Variants in DNER observed in about 807,000 individuals in gnomAD.
DNER encodes delta and Notch-like epidermal growth factor-related receptor.
DNER carries 33 observed loss-of-function variants against 78.2 expected under a neutral mutation model. That is an observed-to-expected ratio of 0.42 (90% CI 0.32 to 0.56). The LOEUF (loss-of-function observed/expected upper bound fraction) is 0.56, where lower values mean the gene tolerates loss of function less well. Among genes scored for constraint, DNER ranks in the 20% least tolerant of loss-of-function variants. The pLI, the probability that DNER is intolerant of heterozygous loss-of-function variation, is 0.11. For missense variants in DNER, 918 were observed against 975.3 expected (o/e 0.94, Z 0.78); for synonymous variants, 417 against 384.8 (o/e 1.08, Z -0.98).
intron 5 of DNER, among the ~76,000 whole-genome samples, chr2:229,527,893 C>T (rs1434858973): frequency 1.3e-5 from 2 of 152,094 alleles, no homozygotes; most frequent in African/African-American, 4.8e-5. Context: ...TGTATTTTAA[C>T]CGCAAAGCTG....
At chr2:229,435,145 G>C (rs959491570) in intron 8 of DNER, among the ~76,000 whole-genome samples, 1 of 152,154 alleles carries the variant, frequency 6.6e-6, no homozygotes, top group African/African-American at 2.4e-5. Context: ...GCTTTAAAGA[G>C]AGCATGCATA....
At position 229,366,964 on chromosome 2, in the gene DNER, C is replaced by T. The variant is rs528331788; in HGVS notation, c.2011G>A (p.Gly671Ser). ...ICRISRIEYQ[G>S]SSRPAYEEFY... ...TCCTCATAGGCTGGCCTGGAAGAAC[C>T]CTGGTATTCAATGCGGCTGATGCGG... Residue 671 changes from glycine to serine, a missense_variant, in exon 12 of 13, where the codon GGT becomes AGT. By Grantham distance (56) the Gly-to-Ser change is moderately conservative. Transcript: ENST00000341772. 6.2e-7 allele frequency: 1 copy of T among 1,613,990 alleles called. No homozygotes were observed. The highest frequency in any genetic ancestry group is 1.3e-5 in the African/African-American group (1 of 74,898).
intron 1 of DNER, among the ~76,000 whole-genome samples, chr2:229,661,630 A>T (rs1171626045): frequency 6.6e-6 from 1 of 152,222 alleles, no homozygotes; most frequent in Non-Finnish European, 1.5e-5. Flanking sequence ...AAAGAAAAAG[A>T]TAATCAAGGA....
intron 8 of DNER, among the ~76,000 whole-genome samples, chr2:229,419,033 A>T (rs757899170): frequency 2.0e-5 from 3 of 152,166 alleles, no homozygotes; most frequent in Non-Finnish European, 4.4e-5. Context: ...AACTGAAATT[A>T]TTGATGAAAT....
chr2:229,497,690 C>T (rs890948247), intron 6 of DNER, among the ~76,000 whole-genome samples: 62 of 151,542 alleles, frequency 4.1e-4, no homozygotes, highest in African/African-American at 1.5e-3. Context: ...ACCAGTAATA[C>T]ACCAACAAAT....
intron 1 of DNER, among the ~76,000 whole-genome samples, chr2:229,651,544 G>C (rs193229962): frequency 6.6e-6 from 1 of 152,320 alleles, no homozygotes; most frequent in Non-Finnish European, 1.5e-5. Flanking sequence ...TTTGGGAGCT[G>C]AGGGTGCCGA....
chr2:229,459,479 C>T lies in DNER; in HGVS notation c.1262-11939G>A, dbSNP rs539352052. Reference sequence around the variant, plus strand: ...TCTTACTACATACGGGACATTATGCCGAGCAATTGGTATCTATTCTTTCTT... The same window carrying T: ...TCTTACTACATACGGGACATTATGCTGAGCAATTGGTATCTATTCTTTCTT... On this transcript the variant is annotated intron_variant, in intron 7 of 12. Transcript: ENST00000341772. Among the ~76,000 whole-genome samples, 29 of 152,148 alleles carry T rather than the reference C, an allele frequency of 1.9e-4. No homozygotes were observed. In the East Asian group the frequency reaches 2.7e-3, roughly 14 times the overall value.
intron 1 of DNER, among the ~76,000 whole-genome samples, chr2:229,706,964 G>A (rs1699836805): frequency 6.6e-6 from 1 of 152,078 alleles, no homozygotes; most frequent in Admixed American, 6.5e-5. Context: ...GATGAGAACT[G>A]TGCTTTGGCC....
chr2:229,382,091 T>A (rs982104463), intron 11 of DNER, among the ~76,000 whole-genome samples: 1 of 152,224 alleles, frequency 6.6e-6, no homozygotes, highest in Non-Finnish European at 1.5e-5. Flanking sequence ...TCTTTGCTGT[T>A]CCACAGCCTC....
chr2:229,601,770 T>C (rs1177040031), intron 1 of DNER, among the ~76,000 whole-genome samples: 1 of 152,198 alleles, frequency 6.6e-6, no homozygotes, highest in African/African-American at 2.4e-5. Flanking sequence ...ATTTGGAAAT[T>C]ACCTTGAAAT....
At chr2:229,413,263 G>T (rs10207909) in intron 9 of DNER, among the ~76,000 whole-genome samples, 1 of 148,454 alleles carries the variant, frequency 6.7e-6, no homozygotes, top group Admixed American at 6.7e-5. Context: ...ATTATAGTGG[G>T]TTTTTCAACA....
chr2:229,700,708 A>G (rs1699732068), intron 1 of DNER, among the ~76,000 whole-genome samples: 1 of 151,450 alleles, frequency 6.6e-6, no homozygotes, highest in South Asian at 2.1e-4. Flanking sequence ...AGGTCAGGAG[A>G]TCGAGACTAT....
intron 4 of DNER, among the ~76,000 whole-genome samples, chr2:229,560,834 A>G (rs1696944652): frequency 1.3e-5 from 2 of 152,166 alleles, no homozygotes; most frequent in Non-Finnish European, 2.9e-5. Flanking sequence ...TCCTTCCATT[A>G]CACGTAAGCA....
intron 12 of DNER, among the ~76,000 whole-genome samples, chr2:229,361,481 G>A (rs1419770298): frequency 6.6e-6 from 1 of 152,166 alleles, no homozygotes; most frequent in African/African-American, 2.4e-5. Context: ...ACATAGTCAA[G>A]CCTATTCACA....
At chr2:229,489,864 C>A (rs945337331) in intron 6 of DNER, among the ~76,000 whole-genome samples, 3 of 152,144 alleles carry the variant, frequency 2.0e-5, no homozygotes, top group African/African-American at 7.2e-5. Flanking sequence ...AAGGGCACCA[C>A]TGATGACCTT....
intron 11 of DNER, among the ~76,000 whole-genome samples, chr2:229,377,827 G>GACCTC (rs1692641863): frequency 6.6e-6 from 1 of 152,182 alleles, no homozygotes; most frequent in Non-Finnish European, 1.5e-5. Context: ...CCATTGGTGG[G>GACCTC]TGGTACGAAA....
intron 12 of DNER, among the ~76,000 whole-genome samples, chr2:229,359,385 C>T (rs1046604704): frequency 5.9e-5 from 9 of 152,134 alleles, no homozygotes; most frequent in African/African-American, 2.2e-4. Context: ...TCCTGTCAAA[C>T]CTGTCGTAAG....
chr2:229,523,018 A>G (rs970726441), intron 5 of DNER, among the ~76,000 whole-genome samples: 2 of 152,344 alleles, frequency 1.3e-5, no homozygotes, highest in African/African-American at 4.8e-5. Flanking sequence ...AGACCTTCTT[A>G]CAATTTAAGA....
At chr2:229,696,872 C>G (rs1218435352) in intron 1 of DNER, among the ~76,000 whole-genome samples, 1 of 152,160 alleles carries the variant, frequency 6.6e-6, no homozygotes, top group African/African-American at 2.4e-5. Context: ...TGCAAGTAAC[C>G]ATCCAGGGGG....
Sources: gnomAD v4.1 joint callset for allele counts (sites outside exome capture counted in the v4.1 genomes callset) on GRCh38, gnomAD v4.1.1 for gene constraint, MANE v1.5 for transcripts, NCBI Gene and HGNC (gene_info 2026-07-23, HGNC 2026-07-21) for gene names.